Variants in MLLT3 observed in about 807,000 individuals in gnomAD.
The protein encoded by MLLT3 is MLLT3 super elongation complex subunit.
A neutral mutation model predicts 53.2 loss-of-function variants in MLLT3; 4 were observed. That is an observed-to-expected ratio of 0.08 (90% CI 0.04 to 0.17). MLLT3 has a LOEUF of 0.17. Among genes scored for constraint, MLLT3 ranks in the 10% least tolerant of loss-of-function variants. The pLI, the probability that MLLT3 is intolerant of heterozygous loss-of-function variation, is 1.00. For missense variants in MLLT3, 569 were observed against 684.0 expected, an observed-to-expected ratio of 0.83 and a Z score of 1.87; for synonymous variants, 283 against 230.6, an observed-to-expected ratio of 1.23 and a Z score of -2.06.
intron 2 of MLLT3, among the ~76,000 whole-genome samples, chr9:20,557,634 G>C (rs1819095344): frequency 6.6e-6 from 1 of 152,116 alleles, no homozygotes; most frequent in South Asian, 2.1e-4. Context: ...AAACAAACAA[G>C]AATATCTATG....
chr9:20,596,242 C>T (rs372093302), intron 2 of MLLT3, among the ~76,000 whole-genome samples: 6 of 152,092 alleles, frequency 3.9e-5, no homozygotes, highest in East Asian at 3.8e-4. Flanking sequence ...TAAAAGCTTG[C>T]GGAATTAAAT....
chr9:20,409,078 C>A (rs533222187), intron 5 of MLLT3, among the ~76,000 whole-genome samples: 4 of 152,320 alleles, frequency 2.6e-5, no homozygotes, highest in African/African-American at 7.2e-5. Context: ...TCTTCTCATG[C>A]TGCAGGCTGA....
chr9:20,368,550 C>T (rs73430715), intron 5 of MLLT3, among the ~76,000 whole-genome samples: 5,784 of 152,192 alleles, frequency 0.038, 279 homozygotes, highest in African/African-American at 0.11. Context: ...TGGTGGTCAT[C>T]TCTCCAACTA....
intron 2 of MLLT3, among the ~76,000 whole-genome samples, chr9:20,519,922 CA>C (rs2118977257): frequency 6.6e-6 from 1 of 152,316 alleles, no homozygotes; most frequent in South Asian, 2.1e-4. Context: ...GCACTATTCA[CA>C]GTAGCAACGA....
chr9:20,455,162 G>C (rs533607278), intron 3 of MLLT3, among the ~76,000 whole-genome samples: 12 of 152,268 alleles, frequency 7.9e-5, no homozygotes, highest in African/African-American at 2.4e-4. Context: ...AATACATCTC[G>C]ACAAATTTGA....
chr9:20,504,777 T>A (rs1449388103), intron 2 of MLLT3, among the ~76,000 whole-genome samples: 1 of 152,170 alleles, frequency 6.6e-6, no homozygotes, highest in Non-Finnish European at 1.5e-5. Flanking sequence ...ATAATGCATA[T>A]GTTAATTAGC....
At chr9:20,425,752 T>C (rs1249927108) in intron 4 of MLLT3, among the ~76,000 whole-genome samples, 2 of 151,992 alleles carry the variant, frequency 1.3e-5, no homozygotes, top group Non-Finnish European at 2.9e-5. Context: ...ACAAATTATA[T>C]TTATAATTGA....
At chr9:20,603,297 T>G (rs956007798) in intron 2 of MLLT3, among the ~76,000 whole-genome samples, 2 of 152,058 alleles carry the variant, frequency 1.3e-5, no homozygotes, top group Non-Finnish European at 2.9e-5. Flanking sequence ...ACCAGAAAAC[T>G]TAGAGCCACC....
chr9:20,362,245 C>G (rs1191496781), intron 7 of MLLT3, among the ~76,000 whole-genome samples: 1 of 152,144 alleles, frequency 6.6e-6, no homozygotes, highest in Admixed American at 6.5e-5. Flanking sequence ...CACACAGACT[C>G]AGGAGTTGCA....
Position 20,363,967 on chromosome 9 carries a change from T to G in MLLT3, c.1202-362A>C, listed in dbSNP as rs188082767. 6.6e-3 allele frequency among the ~76,000 whole-genome samples: 998 copies of G among 152,346 alleles called. 14 individuals carry two copies. Among genetic ancestry groups the G allele is most frequent in the African/African-American group, 0.023 (949 of 41,576 alleles). ...GTATTGAGAAGTTGAGATTAATAAA[T>G]CACTGTGGTTGTAACTTGTTCTTGG... On this transcript the variant is annotated intron_variant, in intron 6 of 10. Coordinates refer to ENST00000380338, the MANE Select transcript of MLLT3 (RefSeq NM_004529.4).
intron 2 of MLLT3, among the ~76,000 whole-genome samples, chr9:20,522,516 AC>A (rs1383089708): frequency 6.6e-6 from 1 of 152,054 alleles, no homozygotes; most frequent in Non-Finnish European, 1.5e-5. Flanking sequence ...ATTTTTTACT[AC>A]CCTTTTGAGG....
chr9:20,474,300 A>T (rs886547639), intron 2 of MLLT3, among the ~76,000 whole-genome samples: 6 of 152,166 alleles, frequency 3.9e-5, no homozygotes, highest in African/African-American at 1.4e-4. Context: ...GAAAGAGTTT[A>T]TATCTGTTAT....
intron 2 of MLLT3, among the ~76,000 whole-genome samples, chr9:20,485,619 C>G (rs1028161026): frequency 6.6e-6 from 1 of 152,076 alleles, no homozygotes; most frequent in African/African-American, 2.4e-5. Flanking sequence ...GACACTAAGC[C>G]AAGATGTTTT....
chr9:20,547,262 G>C (rs1451370240), intron 2 of MLLT3, among the ~76,000 whole-genome samples: 1 of 151,758 alleles, frequency 6.6e-6, no homozygotes, highest in Non-Finnish European at 1.5e-5. Flanking sequence ...TCAAACTCCT[G>C]GGCTCAAGTG....
chr9:20,539,417 T>A (rs552952900), intron 2 of MLLT3, among the ~76,000 whole-genome samples: 16 of 152,180 alleles, frequency 1.1e-4, no homozygotes, highest in Non-Finnish European at 2.2e-4. Context: ...TAAAAGAGGT[T>A]TAATTGACTC....
chr9:20,459,971 G>A (rs1824069560), intron 2 of MLLT3, among the ~76,000 whole-genome samples: 1 of 152,142 alleles, frequency 6.6e-6, no homozygotes, highest in Non-Finnish European at 1.5e-5. Context: ...GTTCTAATCT[G>A]AAGAAAGTCA....
At chr9:20,507,508 A>G (rs1034099060) in intron 2 of MLLT3, among the ~76,000 whole-genome samples, 2 of 152,184 alleles carry the variant, frequency 1.3e-5, no homozygotes, top group Non-Finnish European at 2.9e-5. Flanking sequence ...GCTTGCCTTT[A>G]AAAAAGAGAC....
chr9:20,447,048 CA>C (rs1352050054), intron 4 of MLLT3, among the ~76,000 whole-genome samples: 2 of 152,070 alleles, frequency 1.3e-5, no homozygotes, highest in Non-Finnish European at 2.9e-5. Flanking sequence ...AAACAGAACT[CA>C]AAAAATGGGG....
intron 2 of MLLT3, among the ~76,000 whole-genome samples, chr9:20,535,666 T>C (rs1479779068): frequency 6.6e-6 from 1 of 152,184 alleles, no homozygotes; most frequent in Non-Finnish European, 1.5e-5. Context: ...AGGATTACAA[T>C]ACGTACTGAC....
Sources: allele counts gnomAD v4.1 joint callset (sites outside exome capture counted in the v4.1 genomes callset), GRCh38; gene constraint gnomAD v4.1.1; transcripts MANE v1.5; gene names NCBI Gene and HGNC (gene_info 2026-07-23, HGNC 2026-07-21).